The following ESR1 variants were observed in gnomAD, a reference collection of about 807,000 sequenced individuals.
The protein encoded by ESR1 is estrogen receptor.
In ESR1, 12 loss-of-function variants were observed where a neutral mutation model predicts 52.7. The observed-to-expected ratio is 0.23, with a 90% confidence interval of 0.15 to 0.37. The LOEUF (loss-of-function observed/expected upper bound fraction) is 0.37. ESR1 is among the 10% of genes least tolerant of loss of function. ESR1 has a pLI of 1.00. For missense variants in ESR1, 584 were observed against 779.7 expected, an observed-to-expected ratio of 0.75 and a Z score of 2.99; for synonymous variants, 305 against 316.8, an observed-to-expected ratio of 0.96 and a Z score of 0.39.
intron 5 of ESR1, among the ~76,000 whole-genome samples, chr6:152,038,358 A>C (rs1253493033): frequency 6.6e-6 from 1 of 152,166 alleles, no homozygotes; most frequent in Non-Finnish European, 1.5e-5. Flanking sequence ...CTTCTTTGGT[A>C]ATACCCTCAC....
At chr6:151,834,157 A>C (rs1782894965) in intron 1 of ESR1, among the ~76,000 whole-genome samples, 1 of 152,226 alleles carries the variant, frequency 6.6e-6, no homozygotes, top group African/African-American at 2.4e-5. Context: ...TCAAGGATCT[A>C]GAACCAGAAA....
intron 2 of ESR1, among the ~76,000 whole-genome samples, chr6:151,797,088 A>G (rs1776781010): frequency 6.6e-6 from 1 of 152,242 alleles, no homozygotes; most frequent in Admixed American, 6.5e-5. Context: ...CTTTCAGCAA[A>G]GTGAAGAGCA....
chr6:151,976,176 T>A (rs2039419983), intron 4 of ESR1, among the ~76,000 whole-genome samples: 1 of 152,190 alleles, frequency 6.6e-6, no homozygotes, highest in African/African-American at 2.4e-5. Flanking sequence ...TAAAAGAAGC[T>A]TTATTCTTTC....
chr6:151,933,132 A>T (rs1010335112), intron 3 of ESR1, among the ~76,000 whole-genome samples: 26 of 151,912 alleles, frequency 1.7e-4, no homozygotes, highest in Admixed American at 3.3e-4. Context: ...TATTTCATTG[A>T]GCAGTGGTTT....
At chr6:151,713,311 T>G (rs1228185248) in intron 2 of ESR1, among the ~76,000 whole-genome samples, 3 of 152,216 alleles carry the variant, frequency 2.0e-5, no homozygotes, top group African/African-American at 7.2e-5. Flanking sequence ...TTTTTTGTTG[T>G]GTCTCTGCCA....
intron 5 of ESR1, among the ~76,000 whole-genome samples, chr6:152,054,850 T>C (rs904853785): frequency 1.3e-5 from 2 of 152,370 alleles, no homozygotes; most frequent in East Asian, 3.9e-4. Flanking sequence ...CATCAAATGC[T>C]ACATACTATT....
intron 4 of ESR1, among the ~76,000 whole-genome samples, chr6:151,947,125 C>T (rs898684041): frequency 6.6e-6 from 1 of 152,152 alleles, no homozygotes; most frequent in Non-Finnish European, 1.5e-5. Flanking sequence ...CAAGACCAGC[C>T]TGGCCAACAT....
At chr6:152,105,775 C>CTTTTTTTTTT (rs71017522), downstream of ESR1, among the ~76,000 whole-genome samples, 14 of 79,434 alleles carry the variant, frequency 1.8e-4, no homozygotes, top group African/African-American at 6.9e-4. Flanking sequence ...CAGTATGCAT[C>CTTTTTTTTTT]TTTTTTTTTT....
intron 4 of ESR1, among the ~76,000 whole-genome samples, chr6:152,010,930 C>T (rs2062083229): frequency 6.6e-6 from 1 of 151,854 alleles, no homozygotes; most frequent in African/African-American, 2.4e-5. Flanking sequence ...TTTTGCTTTT[C>T]TCCTTCCTTC....
At chr6:151,977,413 A>G in intron 4 of ESR1, among the ~76,000 whole-genome samples, 1 of 148,832 alleles carries the variant, frequency 6.7e-6, no homozygotes, top group Non-Finnish European at 1.5e-5. Flanking sequence ...GAGAGATTTC[A>G]GCTAGGATGG....
chr6:152,087,748 A>C (rs968370648), intron 6 of ESR1, among the ~76,000 whole-genome samples: 7 of 152,354 alleles, frequency 4.6e-5, no homozygotes, highest in African/African-American at 1.7e-4. Context: ...AAACAAGGAT[A>C]CAATCCATGT....
chr6:152,098,058 A>G lies in ESR1; in HGVS notation c.1554-674A>G, dbSNP rs2050767583. Among the ~76,000 whole-genome samples, 1 of 152,152 alleles carries G rather than the reference A, an allele frequency of 6.6e-6. No individual in the cohort carries two copies. The highest frequency in any genetic ancestry group is 1.5e-5 in the Non-Finnish European group (1 of 68,028). On this transcript the variant is annotated intron_variant, in intron 7 of 7. Coordinates refer to ENST00000206249, the MANE Select transcript of ESR1 (RefSeq NM_000125.4). This position sits in a 1 kb window ranked among gnomAD's most constrained non-coding sequence, Gnocchi z 5.1. ...TGAAGACCGGAGGAAGGTTCATCCC[A>G]GCAAGTAGGAACAGCAAGTGTAGGT...
chr6:151,681,428 G>A (rs1465947602), intron 1 of ESR1, among the ~76,000 whole-genome samples: 3 of 151,878 alleles, frequency 2.0e-5, no homozygotes, highest in African/African-American at 7.3e-5. Context: ...GGGTGGGGGA[G>A]GCTCAGGGGG....
chr6:151,843,896 C>T (rs866262799), intron 2 of ESR1, among the ~76,000 whole-genome samples: 10 of 149,106 alleles, frequency 6.7e-5, no homozygotes, highest in East Asian at 2.0e-4. Context: ...TTTTTCCTTC[C>T]GTTGCCAGTG....
intron 2 of ESR1, among the ~76,000 whole-genome samples, chr6:151,790,328 T>G (rs114946463): frequency 1.8e-3 from 274 of 152,300 alleles, no homozygotes; most frequent in African/African-American, 6.4e-3. Flanking sequence ...GGGCCAGAGT[T>G]CTCTTATCCT....
At chr6:151,960,242 C>T (rs761502474) in intron 4 of ESR1, among the ~76,000 whole-genome samples, 29 of 152,290 alleles carry the variant, frequency 1.9e-4, no homozygotes, top group Non-Finnish European at 3.4e-4. Flanking sequence ...TTGGGATACA[C>T]CAAGCCCTGC....
In ESR1 at chr6:152,080,948, T is replaced by A. The variant is rs145754977; in HGVS notation, c.1370-13437T>A. Among the ~76,000 whole-genome samples, 1,086 of 152,254 alleles carry A rather than the reference T, an allele frequency of 7.1e-3. 9 individuals are homozygous for A. Among genetic ancestry groups the A allele is most frequent in the Middle Eastern group, 0.014 (4 of 294 alleles). ...CTACCCTAAATATATATGCACCCAG[T>A]ACAGGAGCACCCAGATTCATAAAGC... On this transcript the variant is annotated intron_variant, in intron 6 of 7. Transcript: ENST00000206249.
chr6:152,107,188 C>T (rs2051077509), downstream of ESR1, among the ~76,000 whole-genome samples: 1 of 151,016 alleles, frequency 6.6e-6, no homozygotes. Flanking sequence ...AATGTTTTTC[C>T]CCCTTCATCT....
chr6:152,109,503 C>T (rs9397082), intron 6 of ESR1, among the ~76,000 whole-genome samples: 35,671 of 137,790 alleles, frequency 0.26, 4,375 homozygotes, highest in East Asian at 0.37. Context: ...CCGTCTCTAC[C>T]AAAAAAAAAA....
Sources: gnomAD v4.1 joint callset for allele counts (sites outside exome capture counted in the v4.1 genomes callset) on GRCh38, gnomAD v4.1.1 for gene constraint, Gnocchi (gnomAD v3.1) non-coding constraint, MANE v1.5 for transcripts, NCBI Gene and HGNC (gene_info 2026-07-23, HGNC 2026-07-21) for gene names.